CSMD3: variants seen among roughly 807,000 people sequenced by gnomAD.
The protein encoded by CSMD3 is CUB and sushi domain-containing protein 3.
In CSMD3, 177 loss-of-function variants were observed where a neutral mutation model predicts 435.2. That is an observed-to-expected ratio of 0.41 (90% CI 0.36 to 0.46). The LOEUF is 0.46. CSMD3 is among the 20% of genes least tolerant of loss of function. CSMD3 has a pLI of 0.34. For missense variants in CSMD3, 4,265 were observed against 4,504.6 expected (o/e 0.95, Z 1.52); for synonymous variants, 1,656 against 1,520.5 (o/e 1.09, Z -2.07).
intron 3 of CSMD3, among the ~76,000 whole-genome samples, chr8:113,223,752 A>ATGTGTG (rs746390167): frequency 5.3e-4 from 64 of 120,928 alleles, no homozygotes; most frequent in African/African-American, 2.1e-3. Flanking sequence ...GTGTGTGTTT[A>ATGTGTG]TGTGTGTGTA....
At chr8:113,016,758 G>A (rs2086474634) in intron 6 of CSMD3, among the ~76,000 whole-genome samples, 1 of 151,798 alleles carries the variant, frequency 6.6e-6, no homozygotes, top group African/African-American at 2.4e-5. Flanking sequence ...TGAAATAGTA[G>A]CATGGAACAA....
chr8:112,535,149 T>C (rs1285379746), intron 27 of CSMD3, among the ~76,000 whole-genome samples: 3 of 151,472 alleles, frequency 2.0e-5, no homozygotes, highest in African/African-American at 4.9e-5. Context: ...CTATTCAACA[T>C]AGTGTTGGAA....
intron 22 of CSMD3, among the ~76,000 whole-genome samples, chr8:112,628,485 A>G (rs886308861): frequency 6.6e-6 from 1 of 152,080 alleles, no homozygotes. Context: ...TATAGACTAA[A>G]CAACAGTGTG....
intron 38 of CSMD3, among the ~76,000 whole-genome samples, chr8:112,374,007 G>A (rs184891964): frequency 1.9e-3 from 288 of 152,196 alleles, no homozygotes; most frequent in African/African-American, 6.6e-3. Context: ...AAATGCTGCC[G>A]TGGCTTGTTT....
intron 35 of CSMD3, among the ~76,000 whole-genome samples, chr8:112,394,663 T>C (rs2129804806): frequency 6.6e-6 from 1 of 152,310 alleles, no homozygotes; most frequent in Non-Finnish European, 1.5e-5. Flanking sequence ...CTGTTCATTT[T>C]ATTCAGGTTT....
intron 7 of CSMD3, among the ~76,000 whole-genome samples, chr8:112,969,770 G>C (rs931681366): frequency 6.6e-6 from 1 of 151,962 alleles, no homozygotes; most frequent in South Asian, 2.1e-4. Flanking sequence ...ACAGCTGATA[G>C]GACTTGTCCA....
At chr8:112,976,191 A>C in intron 6 of CSMD3, 43 bp from the exon 7 acceptor site, 1 of 1,601,818 alleles carries the variant, frequency 6.2e-7, no homozygotes, top group South Asian at 1.1e-5. Flanking sequence ...TTTCTTTTTA[A>C]ATTTTGTTTA....
chr8:112,667,314 G>A (rs2075549525), intron 16 of CSMD3, among the ~76,000 whole-genome samples: 1 of 152,076 alleles, frequency 6.6e-6, no homozygotes, highest in African/African-American at 2.4e-5. Flanking sequence ...CATCTGTCCA[G>A]TTGCATAAAC....
chr8:112,627,499 A>T (rs1834578780), intron 22 of CSMD3, among the ~76,000 whole-genome samples: 1 of 152,160 alleles, frequency 6.6e-6, no homozygotes, highest in Non-Finnish European at 1.5e-5. Context: ...CTCTTCTGTA[A>T]TTCAAACTCT....
intron 1 of CSMD3, among the ~76,000 whole-genome samples, chr8:113,400,043 T>C (rs1458682013): frequency 1.3e-5 from 2 of 151,902 alleles, no homozygotes; most frequent in East Asian, 3.9e-4. Context: ...TGACAGAGTC[T>C]TAGCTTTGTT....
At chr8:112,634,223 T>C (rs1420611563) in intron 22 of CSMD3, among the ~76,000 whole-genome samples, 1 of 151,658 alleles carries the variant, frequency 6.6e-6, no homozygotes, top group Non-Finnish European at 1.5e-5. Context: ...GCATTTTATG[T>C]GAATAAAGAC....
intron 42 of CSMD3, among the ~76,000 whole-genome samples, chr8:112,338,601 C>T (rs922118662): frequency 2.0e-5 from 3 of 151,998 alleles, no homozygotes; most frequent in African/African-American, 7.2e-5. Flanking sequence ...TTATATTCCT[C>T]AAATAAAAAA....
chr8:112,942,094 T>C (rs2083467883), intron 9 of CSMD3, among the ~76,000 whole-genome samples: 1 of 151,496 alleles, frequency 6.6e-6, no homozygotes, highest in Admixed American at 6.6e-5. Context: ...GTGCACCCTC[T>C]CTTCATCCCT....
intron 3 of CSMD3, among the ~76,000 whole-genome samples, chr8:113,176,228 G>C (rs764444086): frequency 3.3e-5 from 5 of 152,114 alleles, no homozygotes; most frequent in Admixed American, 3.3e-4. Context: ...GTTTGTGCCT[G>C]TTTATCATCT....
intron 2 of CSMD3, among the ~76,000 whole-genome samples, chr8:113,307,660 C>G (rs545125463): frequency 2.0e-5 from 3 of 152,096 alleles, no homozygotes; most frequent in East Asian, 3.9e-4. Context: ...TTGCAAAGAT[C>G]CTTATAATTT....
chr8:113,153,879 A>G (rs975680677), intron 4 of CSMD3, among the ~76,000 whole-genome samples: 1 of 152,014 alleles, frequency 6.6e-6, no homozygotes, highest in Non-Finnish European at 1.5e-5. Flanking sequence ...ATACTGAATT[A>G]GATGATTTAC....
chr8:113,137,551 C>A (rs997552698), intron 4 of CSMD3, among the ~76,000 whole-genome samples: 1 of 151,552 alleles, frequency 6.6e-6, no homozygotes, highest in Non-Finnish European at 1.5e-5. Flanking sequence ...AATCCAGTAT[C>A]TGGGCACCAG....
chr8:112,665,997 C>T (rs2075514936), intron 17 of CSMD3, among the ~76,000 whole-genome samples: 1 of 151,982 alleles, frequency 6.6e-6, no homozygotes, highest in Admixed American at 6.6e-5. Context: ...AACAACTAAA[C>T]TCATTAAGTT....
At chr8:113,355,814 C>T (rs938050346) in intron 1 of CSMD3, among the ~76,000 whole-genome samples, 1 of 61,614 alleles carries the variant, frequency 1.6e-5, no homozygotes, top group Non-Finnish European at 5.7e-5. Flanking sequence ...ATACATTTAT[C>T]TATCAACCAA....
Sources: gnomAD v4.1 joint callset for allele counts (sites outside exome capture counted in the v4.1 genomes callset) on GRCh38, gnomAD v4.1.1 for gene constraint, MANE v1.5 for transcripts, NCBI Gene and HGNC (gene_info 2026-07-23, HGNC 2026-07-21) for gene names.